Variants in ZDHHC21 observed in about 807,000 individuals in gnomAD.
ZDHHC21 encodes zDHHC palmitoyltransferase 21.
ZDHHC21 carries 15 observed loss-of-function variants against 34.6 expected under a neutral mutation model. The ratio of observed to expected loss-of-function variants is 0.43; its 90% CI spans 0.29 to 0.67. The LOEUF (loss-of-function observed/expected upper bound fraction) is 0.67, where lower values mean the gene tolerates loss of function less well. ZDHHC21 is among the 30% of genes least tolerant of loss of function. The probability of loss-of-function intolerance (pLI) is 0.14; values close to 1 mark genes in which losing one functional copy is unlikely to be tolerated. For missense variants in ZDHHC21, 344 were observed against 327.7 expected (o/e 1.05, Z -0.38); for synonymous variants, 142 against 101.8 (o/e 1.40, Z -2.38).
intron 8 of ZDHHC21, among the ~76,000 whole-genome samples, chr9:14,623,281 G>C (rs1387530916): frequency 6.6e-6 from 1 of 152,178 alleles, no homozygotes; most frequent in Admixed American, 6.5e-5. Context: ...GGGAGGCCAA[G>C]GCAGGTGGAT....
chr9:14,658,557 G>C (rs1216106850), intron 7 of ZDHHC21, among the ~76,000 whole-genome samples, 192 bp downstream of exon 7: 1 of 126,580 alleles, frequency 7.9e-6, no homozygotes, highest in Non-Finnish European at 1.6e-5. Context: ...TGCAGGCTCC[G>C]CCCCCTGGGG....
chr9:14,667,476 G>A (rs1223768856), intron 5 of ZDHHC21, among the ~76,000 whole-genome samples: 1 of 150,434 alleles, frequency 6.6e-6, no homozygotes, highest in Non-Finnish European at 1.5e-5. Context: ...TAGAAAAAGA[G>A]GGAATCCTCC....
At chr9:14,640,410 C>A (rs1408774728) in intron 7 of ZDHHC21, among the ~76,000 whole-genome samples, 1 of 151,538 alleles carries the variant, frequency 6.6e-6, no homozygotes, top group South Asian at 2.1e-4. Flanking sequence ...TTTATTATTT[C>A]TCTGCTAAAA....
intron 8 of ZDHHC21, among the ~76,000 whole-genome samples, chr9:14,620,469 A>G (rs1825115318): frequency 6.6e-6 from 1 of 152,072 alleles, no homozygotes; most frequent in Admixed American, 6.6e-5. Context: ...AAACAGTGCA[A>G]AAGAGTACAT....
In ZDHHC21 at chr9:14,691,003, G is replaced by A. The variant is rs1839073515; in HGVS notation, c.-224-618C>T. Among the ~76,000 whole-genome samples, 4 of 152,130 alleles carry A rather than the reference G, an allele frequency of 2.6e-5. 1 individual carries two copies. In the South Asian group the frequency reaches 8.3e-4, roughly 32 times the overall value. ...CATTCCTTAATATAAAAGTAAAACT[G>A]AATTTAGGGAACAAACTCTTGGCAA... On this transcript the variant is annotated intron_variant, in intron 1 of 9. Transcript: ENST00000380916.
intron 7 of ZDHHC21, among the ~76,000 whole-genome samples, chr9:14,643,980 A>G (rs2133758192): frequency 6.6e-6 from 1 of 152,336 alleles, no homozygotes; most frequent in Non-Finnish European, 1.5e-5. Context: ...ATTATTCCAG[A>G]TAATTTGTAT....
rs1156969040 is a variant in ZDHHC21 at position 14,693,424 on chromosome 9, G to A, written c.-420C>T. The A allele has an allele frequency of 3.6e-6, 1 of 281,108 alleles. No individual in the cohort carries two copies. Among genetic ancestry groups the A allele is most frequent in the Non-Finnish European group, 6.9e-6 (1 of 144,796 alleles). The allele number at this position is 281,108 out of a possible 1,614,324, so 17.4% of individuals were successfully genotyped here. A position where few individuals can be genotyped will look rare whatever the true frequency, so the allele number is the denominator to read the frequency against. ...GCATGCCCGCGCGCCCGCGTGGGGA[G>A]GGACGACTGCCGCCGTCGCCGTCTC... On this transcript the variant is annotated 5_prime_UTR_variant, in exon 1 of 10. Transcript: ENST00000380916.
In ZDHHC21 at chr9:14,630,636, C is replaced by T. The variant is rs1827172529; in HGVS notation, c.621+9260G>A. Among the ~76,000 whole-genome samples the T allele has an allele frequency of 2.0e-5, 3 of 152,302 alleles. No homozygotes were observed. The South Asian group carries it at 6.2e-4, about 32-fold the overall frequency. ...TCAGAGGAATCACTGTCTACAGCAG[C>T]TATAGCCCATGAAATGTATTTCTTA... is the stretch of plus-strand genomic sequence containing the variant. On this transcript the variant is annotated intron_variant, in intron 8 of 9. Coordinates refer to ENST00000380916, the MANE Select transcript of ZDHHC21 (RefSeq NM_178566.6).
intron 8 of ZDHHC21, 125 bp from the exon 9 acceptor site, chr9:14,619,807 A>G (rs987441216): frequency 1.7e-5 from 8 of 466,680 alleles, no homozygotes; most frequent in Non-Finnish European, 2.3e-5. Flanking sequence ...TTTATATATG[A>G]GTATTATGAA....
chr9:14,653,845 G>A (rs964938667), intron 7 of ZDHHC21, among the ~76,000 whole-genome samples: 6 of 151,916 alleles, frequency 3.9e-5, no homozygotes, highest in African/African-American at 7.3e-5. Context: ...GAAACAGTTC[G>A]TATGAGACCA....
At chr9:14,654,080 AC>A (rs1012440562) in intron 7 of ZDHHC21, among the ~76,000 whole-genome samples, 8 of 151,960 alleles carry the variant, frequency 5.3e-5, no homozygotes, top group African/African-American at 1.9e-4. Context: ...GTCAAGTAGA[AC>A]CGGAGACTCA....
At chr9:14,655,107 T>TA (rs975637324) in intron 7 of ZDHHC21, among the ~76,000 whole-genome samples, 6 of 151,730 alleles carry the variant, frequency 4.0e-5, no homozygotes, top group African/African-American at 1.5e-4. Context: ...AAAGAAATCA[T>TA]AAAAACAGCT....
chr9:14,640,510 C>A (rs1024623984), intron 7 of ZDHHC21, among the ~76,000 whole-genome samples: 6 of 152,040 alleles, frequency 3.9e-5, no homozygotes, highest in Admixed American at 1.3e-4. Context: ...GAAGAGAAAT[C>A]ATATATAATA....
intron 7 of ZDHHC21, among the ~76,000 whole-genome samples, chr9:14,655,018 C>A (rs1296061028): frequency 1.3e-5 from 2 of 151,774 alleles, no homozygotes; most frequent in African/African-American, 4.8e-5. Context: ...CATAAACTCT[C>A]CAACAGAAAA....
At chr9:14,656,985 T>C (rs1213659314) in intron 7 of ZDHHC21, among the ~76,000 whole-genome samples, 1 of 152,024 alleles carries the variant, frequency 6.6e-6, no homozygotes, top group Non-Finnish European at 1.5e-5. Flanking sequence ...TCATTATGCA[T>C]GTAAATATAC....
intron 3 of ZDHHC21, among the ~76,000 whole-genome samples, chr9:14,679,221 T>C (rs1836943922): frequency 6.6e-6 from 1 of 152,138 alleles, no homozygotes; most frequent in African/African-American, 2.4e-5. Flanking sequence ...GGAAGCATAC[T>C]GACATCTGCA....
intron 7 of ZDHHC21, among the ~76,000 whole-genome samples, chr9:14,646,185 TAAATG>T (rs1192383043): frequency 7.2e-5 from 11 of 152,104 alleles, no homozygotes; most frequent in Non-Finnish European, 1.0e-4. Flanking sequence ...GGCTTTATAT[TAAATG>T]AAATATTATG....
chr9:14,632,913 A>G (rs62532733), intron 8 of ZDHHC21, among the ~76,000 whole-genome samples: 19,663 of 152,214 alleles, frequency 0.13, 1,338 homozygotes, highest in Middle Eastern at 0.17. Context: ...GACAGGTAAT[A>G]ACAATTGTCA....
the ZDHHC21 span, among the ~76,000 whole-genome samples, chr9:14,601,539 C>A: frequency 1.3e-5 from 2 of 152,210 alleles, no homozygotes; most frequent in African/African-American, 2.4e-5. Flanking sequence ...CACTTTTACA[C>A]TGCTGGTGGG....
Sources: allele counts gnomAD v4.1 joint callset (sites outside exome capture counted in the v4.1 genomes callset), GRCh38; gene constraint gnomAD v4.1.1; transcripts MANE v1.5; gene names NCBI Gene and HGNC (gene_info 2026-07-23, HGNC 2026-07-21).